ZNF385B: variants seen among roughly 807,000 people sequenced by gnomAD.
ZNF385B encodes zinc finger protein 385B, also known as zinc finger protein 533.
Under a neutral mutation model 39.2 loss-of-function variants are expected in ZNF385B, and 23 were observed. That is an observed-to-expected ratio of 0.59 (90% confidence interval 0.42 to 0.83). The LOEUF is 0.83. Among genes scored for constraint, ZNF385B ranks in the 40% least tolerant of loss-of-function variants. The pLI, the probability that ZNF385B is intolerant of heterozygous loss-of-function variation, is 0.00. For missense variants in ZNF385B, 552 were observed against 598.9 expected, an observed-to-expected ratio of 0.92 and a Z score of 0.82; for synonymous variants, 205 against 222.6, an observed-to-expected ratio of 0.92 and a Z score of 0.70.
intron 5 of ZNF385B, among the ~76,000 whole-genome samples, chr2:179,514,590 G>T (rs996126442): frequency 6.6e-6 from 1 of 152,164 alleles, no homozygotes; most frequent in Non-Finnish European, 1.5e-5. Flanking sequence ...GCAAAGAAGA[G>T]TGTCAATAGT....
chr2:179,649,443 G>A (rs762614543), intron 3 of ZNF385B, among the ~76,000 whole-genome samples: 3 of 152,048 alleles, frequency 2.0e-5, no homozygotes, highest in African/African-American at 7.2e-5. Context: ...ATACCACAGC[G>A]CTCCAGGGTG....
chr2:179,757,835 A>C (rs1384927820), intron 3 of ZNF385B, among the ~76,000 whole-genome samples: 1 of 152,000 alleles, frequency 6.6e-6, no homozygotes, highest in African/African-American at 2.4e-5. Flanking sequence ...GGTGGGAGTG[A>C]CCCAATTTTC....
intron 3 of ZNF385B, among the ~76,000 whole-genome samples, chr2:179,739,375 C>A (rs1166774396): frequency 1.3e-5 from 2 of 152,110 alleles, no homozygotes; most frequent in African/African-American, 4.8e-5. Context: ...AGAACAGGCT[C>A]CTCTAGAGGG....
chr2:179,720,201 C>T (rs576569516), intron 3 of ZNF385B, among the ~76,000 whole-genome samples: 1 of 152,088 alleles, frequency 6.6e-6, no homozygotes, highest in East Asian at 1.9e-4. Context: ...AACATATCAA[C>T]AATTTAAAAT....
At chr2:179,799,864 A>C (rs1705919239) in intron 1 of ZNF385B, among the ~76,000 whole-genome samples, 1 of 152,128 alleles carries the variant, frequency 6.6e-6, no homozygotes, top group East Asian at 1.9e-4. Context: ...ACTGTGAATG[A>C]GAGCTTTGCA....
intron 4 of ZNF385B, among the ~76,000 whole-genome samples, chr2:179,531,104 T>C (rs1211061697): frequency 6.6e-6 from 1 of 152,140 alleles, no homozygotes; most frequent in Admixed American, 6.6e-5. Flanking sequence ...ATTTTAGTCT[T>C]TCTCGCTTGA....
Position 179,778,321 on chromosome 2 carries a change from C to T in ZNF385B, c.-154-7649G>A, listed in dbSNP as rs1704463830. 3.3e-5 allele frequency among the ~76,000 whole-genome samples: 5 copies of T among 152,248 alleles called. 1 individual carries two copies. The South Asian group carries it at 8.3e-4, about 25-fold the overall frequency. On this transcript the variant is annotated intron_variant, in intron 1 of 9. Transcript: ENST00000410066. Reference sequence around the variant, plus strand: ...TAAAAACCTGGGCAAGGGCAGATCTCGCAGCTCTGTTCCTCCCACTACGAC... The same window carrying T: ...TAAAAACCTGGGCAAGGGCAGATCTTGCAGCTCTGTTCCTCCCACTACGAC...
At chr2:179,614,581 A>C (rs1244219451) in intron 3 of ZNF385B, among the ~76,000 whole-genome samples, 1 of 152,226 alleles carries the variant, frequency 6.6e-6, no homozygotes, top group Non-Finnish European at 1.5e-5. Context: ...AGTATCAAGG[A>C]GGTAAAGCCA....
At chr2:179,624,501 G>C (rs998164292) in intron 3 of ZNF385B, among the ~76,000 whole-genome samples, 1 of 152,176 alleles carries the variant, frequency 6.6e-6, no homozygotes, top group Non-Finnish European at 1.5e-5. Context: ...ATTGTTGTAG[G>C]AAAACTAATA....
At chr2:179,804,519 C>T (rs747199622) in intron 1 of ZNF385B, among the ~76,000 whole-genome samples, 84 of 152,080 alleles carry the variant, frequency 5.5e-4, no homozygotes, top group Non-Finnish European at 4.6e-4. Flanking sequence ...ACTCTAAAGG[C>T]GTATTACCTG....
At chr2:179,645,118 T>C (rs572162648) in intron 3 of ZNF385B, among the ~76,000 whole-genome samples, 11 of 152,346 alleles carry the variant, frequency 7.2e-5, no homozygotes, top group African/African-American at 2.6e-4. Flanking sequence ...ATTAAAATAC[T>C]ACAGGTACAC....
intron 3 of ZNF385B, among the ~76,000 whole-genome samples, chr2:179,602,562 T>C (rs1241542225): frequency 6.6e-6 from 1 of 152,174 alleles, no homozygotes; most frequent in Non-Finnish European, 1.5e-5. Flanking sequence ...CTAAGACTGC[T>C]AATTGGAATT....
intron 3 of ZNF385B, among the ~76,000 whole-genome samples, chr2:179,676,236 C>A (rs1400127442): frequency 6.6e-6 from 1 of 152,022 alleles, no homozygotes; most frequent in Non-Finnish European, 1.5e-5. Flanking sequence ...CTACAGGCGC[C>A]CACCAACACA....
At chr2:179,664,838 C>G (rs1263926235) in intron 3 of ZNF385B, among the ~76,000 whole-genome samples, 1 of 151,974 alleles carries the variant, frequency 6.6e-6, no homozygotes, top group Non-Finnish European at 1.5e-5. Context: ...GAAGGAAGTA[C>G]TCCAAAATCT....
At chr2:179,716,042 T>C (rs1700308922) in intron 3 of ZNF385B, among the ~76,000 whole-genome samples, 2 of 152,218 alleles carry the variant, frequency 1.3e-5, no homozygotes, top group Non-Finnish European at 2.9e-5. Context: ...AAACATTTTG[T>C]CTAACACTCC....
At chr2:179,495,564 G>A (rs1607263) in intron 5 of ZNF385B, among the ~76,000 whole-genome samples, 34,930 of 152,164 alleles carry the variant, frequency 0.23, 4,883 homozygotes, top group East Asian at 0.51. Context: ...ACCCAGTGCT[G>A]TGCTGGCTCT....
Position 179,464,356 on chromosome 2 carries a change from T to G in ZNF385B, c.716-17586A>C, listed in dbSNP as rs540221438. Among the ~76,000 whole-genome samples the G allele has an allele frequency of 2.0e-4, 30 of 152,244 alleles. No individual in the cohort carries two copies. In the East Asian group the frequency reaches 3.7e-3, roughly 19 times the overall value. ...GTGCAGAAGCTCTTTAGTTTAATTA[T>G]ATCCCATTTGTCAATTTTGGCTTTT... On this transcript the variant is annotated intron_variant, in intron 6 of 9. Coordinates refer to ENST00000410066, the MANE Select transcript of ZNF385B (RefSeq NM_152520.6).
At chr2:179,714,220 A>C (rs909315400) in intron 3 of ZNF385B, among the ~76,000 whole-genome samples, 7 of 152,188 alleles carry the variant, frequency 4.6e-5, no homozygotes, top group Non-Finnish European at 1.0e-4. Flanking sequence ...TAACAATAAC[A>C]ATGACCAGAG....
At chr2:179,483,149 A>AT in intron 6 of ZNF385B, 123 bp downstream of exon 6, 1 of 1,072,972 alleles carries the variant, frequency 9.3e-7, no homozygotes, top group Non-Finnish European at 1.3e-6. Flanking sequence ...TGAAGAAAAC[A>AT]TATTAATATC....
Sources: gnomAD v4.1 joint callset for allele counts (sites outside exome capture counted in the v4.1 genomes callset) on GRCh38, gnomAD v4.1.1 for gene constraint, MANE v1.5 for transcripts, NCBI Gene and HGNC (gene_info 2026-07-23, HGNC 2026-07-21) for gene names.